Variants in SLC25A26 observed in about 807,000 individuals in gnomAD.
SLC25A26 encodes the protein mitochondrial S-adenosylmethionine carrier protein.
A neutral mutation model predicts 37.8 loss-of-function variants in SLC25A26; 36 were observed. The ratio of observed to expected loss-of-function variants is 0.95; its 90% CI spans 0.73 to 1.26. SLC25A26 has a LOEUF of 1.26. SLC25A26 is among the 50% of genes most tolerant of loss of function. The pLI, the probability that SLC25A26 is intolerant of heterozygous loss-of-function variation, is 0.00. For synonymous variants in SLC25A26, 129 were observed against 122.5 expected (o/e 1.05, Z -0.35); for missense variants, 390 against 331.1 (o/e 1.18, Z -1.38).
chr3:66,303,870 G>A (rs2075142685), intron 5 of SLC25A26, among the ~76,000 whole-genome samples: 1 of 152,160 alleles, frequency 6.6e-6, no homozygotes, highest in African/African-American at 2.4e-5. Flanking sequence ...AGGGCGGTTG[G>A]CAGATGGCAT....
Position 66,262,175 on chromosome 3 carries a change from C to T in SLC25A26, c.405+20C>T. ...GAAGAGGTGAGATGGGTTTTTTAAG[C>T]TCTTCTTTTCTTTATTAAGATTTTA... On this transcript the variant is annotated intron_variant, in intron 4 of 9. Coordinates refer to ENST00000354883, the MANE Select transcript of SLC25A26 (RefSeq NM_001379210.1). 8.0e-7 allele frequency: 1 copy of T among 1,253,636 alleles called. No homozygotes were observed. The highest frequency in any genetic ancestry group is 1.4e-5 in the South Asian group (1 of 70,672). The allele number at this position is 1,253,636 out of a possible 1,614,324, so 77.7% of individuals were successfully genotyped here.
In SLC25A26 at chr3:66,377,833, T is replaced by A. The variant is rs775238270; in HGVS notation, c.*26T>A. The A allele has an allele frequency of 1.5e-5, 23 of 1,565,792 alleles. No homozygotes were observed. Among genetic ancestry groups the A allele is most frequent in the Non-Finnish European group, 2.0e-5 (23 of 1,136,218 alleles). ...AGCAGAGACAAGCCTCACCTCCACT[T>A]CTGTCAAGAGAGGGGCCTGCAGTGC... On this transcript the variant is annotated 3_prime_UTR_variant, in exon 10 of 10. Transcript: ENST00000354883.
intron 5 of SLC25A26, among the ~76,000 whole-genome samples, chr3:66,316,440 G>A (rs1218632241): frequency 1.3e-5 from 2 of 152,158 alleles, no homozygotes; most frequent in Non-Finnish European, 2.9e-5. Context: ...TTGAATATCA[G>A]CCCCTAATGT....
intron 5 of SLC25A26, among the ~76,000 whole-genome samples, chr3:66,290,692 G>C (rs964545794): frequency 6.6e-6 from 1 of 152,118 alleles, no homozygotes; most frequent in Admixed American, 6.6e-5. Flanking sequence ...TAAGCTTGTC[G>C]GTGTGCTGCT....
At chr3:66,223,305 A>G (rs782672811) in intron 1 of SLC25A26, among the ~76,000 whole-genome samples, 5 of 152,166 alleles carry the variant, frequency 3.3e-5, no homozygotes, top group African/African-American at 4.8e-5. Flanking sequence ...GTCATGGGGA[A>G]TGGCTCAAGT....
intron 5 of SLC25A26, among the ~76,000 whole-genome samples, chr3:66,326,904 G>A (rs1198240568): frequency 6.6e-6 from 1 of 152,188 alleles, no homozygotes; most frequent in African/African-American, 2.4e-5. Context: ...CTACTTATAG[G>A]CCATGCAGAC....
intron 1 of SLC25A26, among the ~76,000 whole-genome samples, chr3:66,231,042 G>T (rs1350645659): frequency 2.6e-5 from 4 of 152,170 alleles, no homozygotes; most frequent in Non-Finnish European, 5.9e-5. Context: ...AGTCATGGTG[G>T]CATGTGCCTG....
At chr3:66,260,454 G>A (rs2073481082) in intron 3 of SLC25A26, among the ~76,000 whole-genome samples, 1 of 152,184 alleles carries the variant, frequency 6.6e-6, no homozygotes, top group Non-Finnish European at 1.5e-5. Flanking sequence ...AGATGATATC[G>A]TTTTGTAAAT....
intron 3 of SLC25A26, among the ~76,000 whole-genome samples, chr3:66,259,316 T>C (rs1033941902): frequency 4.6e-5 from 7 of 152,226 alleles, no homozygotes; most frequent in African/African-American, 1.7e-4. Context: ...AGCGATCACC[T>C]GTATGCTGAT....
At chr3:66,300,256 G>GTT (rs916553948) in intron 5 of SLC25A26, among the ~76,000 whole-genome samples, 34 of 116,654 alleles carry the variant, frequency 2.9e-4, no homozygotes, top group South Asian at 1.2e-3. Context: ...TTTTTGTTTT[G>GTT]TTTTTTTTTT....
intron 1 of SLC25A26, among the ~76,000 whole-genome samples, chr3:66,209,774 T>C (rs2071250774): frequency 7.3e-6 from 1 of 136,940 alleles, no homozygotes; most frequent in Non-Finnish European, 1.6e-5. Flanking sequence ...GGTATATCTA[T>C]AAAGGTATAT....
intron 1 of SLC25A26, among the ~76,000 whole-genome samples, chr3:66,193,959 G>A (rs923712974): frequency 7.0e-4 from 107 of 152,290 alleles, no homozygotes; most frequent in African/African-American, 2.6e-3. Flanking sequence ...GGTCAACTGA[G>A]CGTGCCTCAA....
intron 5 of SLC25A26, among the ~76,000 whole-genome samples, chr3:66,304,859 T>C (rs922787657): frequency 6.6e-5 from 10 of 152,218 alleles, no homozygotes; most frequent in African/African-American, 2.4e-4. Flanking sequence ...GGATGACTTA[T>C]AACATGTACT....
In SLC25A26 at chr3:66,237,501, G is replaced by A. The variant is rs141485522; in HGVS notation, c.190+801G>A. Among the ~76,000 whole-genome samples, 470 of 152,316 alleles carry A rather than the reference G, an allele frequency of 3.1e-3. 3 individuals are homozygous for A. The highest frequency in any genetic ancestry group is 0.017 in the East Asian group (86 of 5,180). Reference sequence around the variant, plus strand: ...CTTAGAGAGCAGGTGAACCTAAGAGGCATTACACATTTCTATCCTAATTAA... The same window carrying A: ...CTTAGAGAGCAGGTGAACCTAAGAGACATTACACATTTCTATCCTAATTAA... On this transcript the variant is annotated intron_variant, in intron 2 of 9. Transcript: ENST00000354883.
chr3:66,270,314 T>C (rs892512696), intron 5 of SLC25A26, among the ~76,000 whole-genome samples: 1 of 152,214 alleles, frequency 6.6e-6, no homozygotes, highest in Non-Finnish European at 1.5e-5. Flanking sequence ...AAAAAAATGA[T>C]TCAAAATCTT....
At chr3:66,374,197 T>C (rs1700505883) in intron 9 of SLC25A26, among the ~76,000 whole-genome samples, 2 of 144,620 alleles carry the variant, frequency 1.4e-5, no homozygotes, top group Admixed American at 7.2e-5. Context: ...GCACTTTTTT[T>C]CCAAATTGAA....
At chr3:66,228,568 T>C (rs953495870) in intron 1 of SLC25A26, among the ~76,000 whole-genome samples, 1 of 152,322 alleles carries the variant, frequency 6.6e-6, no homozygotes. Flanking sequence ...TTGTTGGCCT[T>C]TGCTGTGTTA....
Position 66,295,238 on chromosome 3 carries a change from T to G in SLC25A26, c.453+31859T>G, listed in dbSNP as rs568176110. ...TTTCTCAAATTTGCTTGTGTGTTTT[T>G]TTTGAGACGGAGTCCCGCACTTTTG... On this transcript the variant is annotated intron_variant, in intron 5 of 9. Coordinates refer to ENST00000354883, the MANE Select transcript of SLC25A26 (RefSeq NM_001379210.1). Among the ~76,000 whole-genome samples, 13 of 152,146 alleles carry G rather than the reference T, an allele frequency of 8.5e-5. No individual in the cohort carries two copies. In the East Asian group the frequency reaches 2.5e-3, roughly 29 times the overall value.
intron 1 of SLC25A26, among the ~76,000 whole-genome samples, chr3:66,189,477 G>T (rs1457007845): frequency 6.6e-6 from 1 of 151,626 alleles, no homozygotes; most frequent in African/African-American, 2.4e-5. Context: ...GACCCTTATT[G>T]TCACCCTGAC....
Sources: gnomAD v4.1 joint callset for allele counts (sites outside exome capture counted in the v4.1 genomes callset) on GRCh38, gnomAD v4.1.1 for gene constraint, MANE v1.5 for transcripts, NCBI Gene and HGNC (gene_info 2026-07-23, HGNC 2026-07-21) for gene names.